GULP1: variants seen among roughly 807,000 people sequenced by gnomAD.
GULP1 encodes PTB domain-containing engulfment adapter protein 1.
Under a neutral mutation model 40.9 loss-of-function variants are expected in GULP1, and 19 were observed. The observed-to-expected ratio is 0.46, with a 90% CI of 0.32 to 0.68. The LOEUF (loss-of-function observed/expected upper bound fraction) is 0.68, where lower values mean the gene tolerates loss of function less well. GULP1 is among the 30% of genes least tolerant of loss of function. GULP1 has a pLI of 0.03. For synonymous variants in GULP1, 119 were observed against 117.6 expected, an observed-to-expected ratio of 1.01 and a Z score of -0.08; for missense variants, 312 against 362.2, an observed-to-expected ratio of 0.86 and a Z score of 1.12.
intron 7 of GULP1, among the ~76,000 whole-genome samples, chr2:188,567,043 C>T (rs1023533943): frequency 4.6e-5 from 7 of 152,012 alleles, no homozygotes; most frequent in Admixed American, 6.6e-5. Flanking sequence ...CTCAACATCA[C>T]TGATCATCAG....
intron 4 of GULP1, among the ~76,000 whole-genome samples, chr2:188,498,919 G>A (rs1463974343): frequency 6.6e-6 from 1 of 151,224 alleles, no homozygotes; most frequent in Non-Finnish European, 1.5e-5. Flanking sequence ...GGCTTTACGT[G>A]GAGAAGGAGT....
At position 188,457,928 on chromosome 2, in the gene GULP1, C is replaced by G. The variant is rs188639930; in HGVS notation, c.-44-19731C>G. Among the ~76,000 whole-genome samples, 132 of 152,230 alleles carry G rather than the reference C, an allele frequency of 8.7e-4. 2 individuals are homozygous for G. The East Asian group carries it at 0.021, about 24-fold the overall frequency. On this transcript the variant is annotated intron_variant, in intron 2 of 11. Transcript: ENST00000409830. The stretch of plus-strand genomic sequence containing the variant: ...TTATAATTGTACAGAAATTTAACCT[C>G]CTTATATCTTCCATTCACTCTTCTA...
chr2:188,556,228 T>C (rs1189123560), intron 7 of GULP1, among the ~76,000 whole-genome samples: 1 of 152,152 alleles, frequency 6.6e-6, no homozygotes, highest in Non-Finnish European at 1.5e-5. Flanking sequence ...CCTCATTCTT[T>C]TCTACTATTT....
intron 2 of GULP1, 59 bp from the exon 3 acceptor site, chr2:188,477,600 A>G: frequency 1.2e-6 from 1 of 827,028 alleles, no homozygotes. Context: ...CCACATTAGC[A>G]AAAGAGAGGT....
intron 2 of GULP1, among the ~76,000 whole-genome samples, chr2:188,395,698 C>T (rs890542928): frequency 6.6e-6 from 1 of 152,142 alleles, no homozygotes; most frequent in Non-Finnish European, 1.5e-5. Context: ...GAAGTAGTAT[C>T]TCTAAAGACA....
intron 7 of GULP1, among the ~76,000 whole-genome samples, chr2:188,543,532 C>A (rs1193099773): frequency 1.3e-5 from 2 of 152,100 alleles, no homozygotes; most frequent in African/African-American, 2.4e-5. Context: ...ATTTATAACA[C>A]TGATATTATA....
At chr2:188,586,871 T>C (rs1464101568) in intron 10 of GULP1, among the ~76,000 whole-genome samples, 1 of 151,682 alleles carries the variant, frequency 6.6e-6, no homozygotes, top group Admixed American at 6.6e-5. Flanking sequence ...TATTTCTTTT[T>C]TAATTTTTTA....
intron 1 of GULP1, among the ~76,000 whole-genome samples, chr2:188,316,110 T>C (rs932108444): frequency 5.9e-5 from 9 of 152,166 alleles, no homozygotes; most frequent in Admixed American, 2.0e-4. Context: ...AAATTTTATT[T>C]ATTGCTCTGA....
chr2:188,434,859 T>G (rs2152835300), intron 2 of GULP1, among the ~76,000 whole-genome samples: 1 of 152,126 alleles, frequency 6.6e-6, no homozygotes, highest in Non-Finnish European at 1.5e-5. Context: ...TATGCTTTCA[T>G]TGCTTGTAGG....
intron 10 of GULP1, 127 bp from the exon 11 acceptor site, chr2:188,587,728 T>C: frequency 1.6e-6 from 1 of 627,508 alleles, no homozygotes; most frequent in Non-Finnish European, 2.9e-6. Context: ...CAACATACAG[T>C]GTAAGTGTGG....
chr2:188,528,223 T>TAACGTGTATACTAAATTTAGTA (rs1191967755), intron 5 of GULP1, among the ~76,000 whole-genome samples: 4 of 152,150 alleles, frequency 2.6e-5, no homozygotes, highest in Non-Finnish European at 5.9e-5. Flanking sequence ...TTGCATGGGC[T>TAACGTGTATACTAAATTTAGTA]AACGTGTATA....
intron 7 of GULP1, among the ~76,000 whole-genome samples, chr2:188,548,720 G>A (rs1022888214): frequency 2.6e-5 from 4 of 151,940 alleles, no homozygotes; most frequent in African/African-American, 2.4e-5. Flanking sequence ...TTTTGGTGGA[G>A]GGAAAGACAA....
chr2:188,339,005 C>T (rs887241806), intron 1 of GULP1, among the ~76,000 whole-genome samples: 1 of 152,056 alleles, frequency 6.6e-6, no homozygotes, highest in African/African-American at 2.4e-5. Flanking sequence ...TTTATGATGA[C>T]TACTAGCAAA....
At chr2:188,313,423 T>G (rs924765667) in intron 1 of GULP1, among the ~76,000 whole-genome samples, 2 of 152,162 alleles carry the variant, frequency 1.3e-5, no homozygotes, top group Non-Finnish European at 2.9e-5. Context: ...CAGATGGTTG[T>G]AGATTTGTGG....
At chr2:188,593,412 G>A (rs1703967959) in intron 11 of GULP1, 1 of 152,066 alleles carries the variant, frequency 6.6e-6, no homozygotes, top group Admixed American at 6.6e-5. Context: ...AAGGCTAGTA[G>A]GGGAAGTTTT....
chr2:188,360,360 G>C (rs556768358), intron 1 of GULP1, among the ~76,000 whole-genome samples: 1 of 152,058 alleles, frequency 6.6e-6, no homozygotes, highest in South Asian at 2.1e-4. Flanking sequence ...ATGCACCATA[G>C]GCAACTCAAT....
At chr2:188,307,847 A>G (rs1485733832) in intron 1 of GULP1, among the ~76,000 whole-genome samples, 1 of 152,238 alleles carries the variant, frequency 6.6e-6, no homozygotes, top group Non-Finnish European at 1.5e-5. Context: ...ATCTAATTTC[A>G]TGATTTCATA....
intron 2 of GULP1, among the ~76,000 whole-genome samples, chr2:188,398,213 G>C (rs1042853118): frequency 6.6e-6 from 1 of 152,156 alleles, no homozygotes; most frequent in African/African-American, 2.4e-5. Flanking sequence ...ACTACAGCCC[G>C]GGGAGAAAGT....
chr2:188,384,424 C>CAA (rs2049401270), intron 2 of GULP1: 1 of 152,156 alleles, frequency 6.6e-6, no homozygotes, highest in Non-Finnish European at 1.5e-5. Context: ...AATCACCTCC[C>CAA]ACCAGGTTCC....
Sources: gnomAD v4.1 joint callset for allele counts (sites outside exome capture counted in the v4.1 genomes callset) on GRCh38, gnomAD v4.1.1 for gene constraint, MANE v1.5 for transcripts, NCBI Gene and HGNC (gene_info 2026-07-23, HGNC 2026-07-21) for gene names.